Variants in KCNQ3 observed in about 807,000 individuals in gnomAD.
KCNQ3 encodes potassium voltage-gated channel subfamily KQT member 3.
A neutral mutation model predicts 92.5 loss-of-function variants in KCNQ3; 30 were observed. That is an observed-to-expected ratio of 0.32 (90% CI 0.24 to 0.44). The LOEUF (loss-of-function observed/expected upper bound fraction) is 0.44. Among genes scored for constraint, KCNQ3 ranks in the 20% least tolerant of loss-of-function variants. The pLI is 1.00. For missense variants in KCNQ3, 913 were observed against 1,140.3 expected (o/e 0.80, Z 2.87); for synonymous variants, 450 against 468.8 (o/e 0.96, Z 0.52).
intron 1 of KCNQ3, among the ~76,000 whole-genome samples, chr8:132,308,249 G>A (rs532935391): frequency 3.9e-4 from 60 of 152,214 alleles, no homozygotes; most frequent in South Asian, 1.0e-3. Context: ...TGAGTCCACC[G>A]GCTTTCTTCT....
intron 1 of KCNQ3, among the ~76,000 whole-genome samples, chr8:132,288,736 C>T (rs776337982): frequency 5.9e-5 from 9 of 152,032 alleles, no homozygotes; most frequent in Non-Finnish European, 1.2e-4. Context: ...ATCTTGAGAT[C>T]CTTCAATACA....
chr8:132,130,294 C>A (rs575675854), intron 14 of KCNQ3, among the ~76,000 whole-genome samples: 165 of 152,226 alleles, frequency 1.1e-3, no homozygotes, highest in Admixed American at 2.4e-3. Flanking sequence ...CTTGGCCAGG[C>A]TGGTCTTGAA....
At chr8:132,136,118 CAAAAAAAAAAA>C (rs67331428) in intron 12 of KCNQ3, among the ~76,000 whole-genome samples, 23 of 40,018 alleles carry the variant, frequency 5.7e-4, no homozygotes, top group Admixed American at 3.6e-3. Context: ...GACTCCATCT[CAAAAAAAAAAA>C]AAAAAAAAAA....
intron 1 of KCNQ3, among the ~76,000 whole-genome samples, chr8:132,401,118 T>C (rs1448213847): frequency 2.6e-5 from 4 of 152,164 alleles, no homozygotes; most frequent in East Asian, 3.9e-4. Context: ...AATCTACATA[T>C]GAACCCCTGC....
At chr8:132,341,292 T>C (rs1818520194) in intron 1 of KCNQ3, among the ~76,000 whole-genome samples, 1 of 152,218 alleles carries the variant, frequency 6.6e-6, no homozygotes, top group South Asian at 2.1e-4. Flanking sequence ...AGAGCTGTCA[T>C]GTTCAATCTG....
chr8:132,471,418 A>C (rs149049959), intron 1 of KCNQ3, among the ~76,000 whole-genome samples: 1 of 152,302 alleles, frequency 6.6e-6, no homozygotes, highest in Non-Finnish European at 1.5e-5. Context: ...GATGATTGCC[A>C]AGGGGAGTGT....
Position 132,420,991 on chromosome 8 carries a change from A to C in KCNQ3, c.386+59156T>G, listed in dbSNP as rs569610759. The stretch of plus-strand genomic sequence containing the variant: ...TTAAATTTTAATCCCCAAAGTAAAC[A>C]TGATTTGAAAGGTAAACAGGAAGGC... On this transcript the variant is annotated intron_variant, in intron 1 of 14. Coordinates refer to ENST00000388996, the MANE Select transcript of KCNQ3 (RefSeq NM_004519.4). 3.3e-5 allele frequency among the ~76,000 whole-genome samples: 5 copies of C among 152,360 alleles called. No individual in the cohort carries two copies. In the South Asian group the frequency reaches 8.3e-4, roughly 25 times the overall value.
At chr8:132,432,998 C>G (rs1821292624) in intron 1 of KCNQ3, among the ~76,000 whole-genome samples, 1 of 152,176 alleles carries the variant, frequency 6.6e-6, no homozygotes, top group Admixed American at 6.5e-5. Flanking sequence ...CACAAATGGT[C>G]TTTCCTACAT....
chr8:132,470,330 A>G (rs1822269870), intron 1 of KCNQ3, among the ~76,000 whole-genome samples: 1 of 152,170 alleles, frequency 6.6e-6, no homozygotes. Context: ...TTTTATTTCT[A>G]AAAGTTGTTT....
At chr8:132,378,068 T>C (rs1163170370) in intron 1 of KCNQ3, among the ~76,000 whole-genome samples, 1 of 152,168 alleles carries the variant, frequency 6.6e-6, no homozygotes, top group African/African-American at 2.4e-5. Flanking sequence ...AAGATACTGA[T>C]TATGAAAGTC....
chr8:132,212,311 C>T (rs1030158526), intron 1 of KCNQ3, among the ~76,000 whole-genome samples: 2 of 152,124 alleles, frequency 1.3e-5, no homozygotes, highest in African/African-American at 4.8e-5. Flanking sequence ...TCTACAAATC[C>T]TTCCCTTAAA....
Position 132,121,383 on chromosome 8 carries a change from A to C in KCNQ3, c.*7879T>G, listed in dbSNP as rs1471596184. ...CTGATGAAGTCCACCTATCTTTCTA[A>C]GTTGATTTTTCAGGATGGCACAGAG... On this transcript the variant is annotated 3_prime_UTR_variant, in exon 15 of 15. Coordinates refer to ENST00000388996, the MANE Select transcript of KCNQ3 (RefSeq NM_004519.4). 6.6e-6 allele frequency: 1 copy of C among 152,170 alleles called. No homozygotes were observed. The highest frequency in any genetic ancestry group is 1.9e-4 in the East Asian group (1 of 5,196). 9.4% of individuals were successfully genotyped at this position (152,170 alleles called of 1,614,324 possible). A position where few individuals can be genotyped will look rare whatever the true frequency, so the allele number is the denominator to read the frequency against.
intron 1 of KCNQ3, chr8:132,447,297 G>A: frequency 1.4e-6 from 2 of 1,479,258 alleles, no homozygotes; most frequent in Non-Finnish European, 1.8e-6. Context: ...CCTAAAGCAG[G>A]GCAGAATGGG....
intron 1 of KCNQ3, among the ~76,000 whole-genome samples, chr8:132,247,046 C>T (rs1325289360): frequency 6.6e-6 from 1 of 152,032 alleles, no homozygotes; most frequent in Non-Finnish European, 1.5e-5. Flanking sequence ...ACCTGATAGT[C>T]TCTCTATCAA....
rs956965297 is a variant in KCNQ3, at chr8:132,126,695, C to G, written c.*2567G>C. 6.6e-5 allele frequency: 10 copies of G among 152,014 alleles called. No homozygotes were observed. The highest frequency in any genetic ancestry group is 2.4e-4 in the African/African-American group (10 of 41,390). The allele number at this position is 152,014 out of a possible 1,614,324, so 9.4% of individuals were successfully genotyped here. ...CAAACCCAATCTCTGCTGTCCTGGT[C>G]TTATGATCCAGCAGGGAAGCTAGAC... On this transcript the variant is annotated 3_prime_UTR_variant, in exon 15 of 15. Coordinates refer to ENST00000388996, the MANE Select transcript of KCNQ3 (RefSeq NM_004519.4).
At chr8:132,186,270 A>T (rs766558714) in intron 1 of KCNQ3, 89 bp from the exon 2 acceptor site, 80 of 889,016 alleles carry the variant, frequency 9.0e-5, no homozygotes, top group Non-Finnish European at 1.5e-4. Context: ...TCCAGGATGA[A>T]GCTGCAACTT....
intron 1 of KCNQ3, among the ~76,000 whole-genome samples, chr8:132,423,352 C>T (rs1163698255): frequency 2.0e-5 from 3 of 152,246 alleles, no homozygotes; most frequent in African/African-American, 7.2e-5. Context: ...AGCAACCTCT[C>T]TTCCTTCTGG....
intron 9 of KCNQ3, among the ~76,000 whole-genome samples, chr8:132,159,916 C>T (rs1437408891): frequency 1.3e-5 from 2 of 152,190 alleles, no homozygotes; most frequent in Non-Finnish European, 2.9e-5. Context: ...AAGTTAATAT[C>T]TACTGAAAGC....
At chr8:132,335,740 T>C (rs1382503345) in intron 1 of KCNQ3, among the ~76,000 whole-genome samples, 2 of 152,206 alleles carry the variant, frequency 1.3e-5, no homozygotes, top group Middle Eastern at 3.2e-3. Context: ...CAGAAAAGCC[T>C]GTATCAGGCT....
Sources: gnomAD v4.1 joint callset for allele counts (sites outside exome capture counted in the v4.1 genomes callset) on GRCh38, gnomAD v4.1.1 for gene constraint, MANE v1.5 for transcripts, NCBI Gene and HGNC (gene_info 2026-07-23, HGNC 2026-07-21) for gene names.